Variants in ZNF862 observed in about 807,000 individuals in gnomAD.
ZNF862 encodes zinc finger protein 862.
ZNF862 carries 64 observed loss-of-function variants against 91.1 expected under a neutral mutation model. That is an observed-to-expected ratio of 0.70 (90% CI 0.57 to 0.87). ZNF862 has a LOEUF of 0.87. Among genes scored for constraint, ZNF862 ranks in the 40% least tolerant of loss-of-function variants. The pLI is 0.00. For synonymous variants in ZNF862, 631 were observed against 618.1 expected (o/e 1.02, Z -0.31); for missense variants, 1,459 against 1,528.0 (o/e 0.95, Z 0.75).
intron 1 of ZNF862, chr7:149,840,868 T>C (rs1250298102): frequency 1.1e-6 from 1 of 872,910 alleles, no homozygotes; most frequent in African/African-American, 1.8e-5. Flanking sequence ...CAGAACTGCC[T>C]AAGGACACAT....
chr7:149,851,220 G>A (rs566798715), intron 5 of ZNF862, among the ~76,000 whole-genome samples: 2 of 152,204 alleles, frequency 1.3e-5, no homozygotes, highest in African/African-American at 4.8e-5. Context: ...GAGTAGAGAC[G>A]GGGTTTCACC....
At position 149,860,719 on chromosome 7, in the gene ZNF862, A is replaced by T. The variant is rs1017426549; in HGVS notation, c.1559A>T (p.Glu520Val). Residue 520 changes from glutamate (E) to valine (V), a missense_variant, in exon 7 of 8, where the codon GAA becomes GTA. Transcript: ENST00000223210. The stretch of plus-strand genomic sequence containing the variant: ...AAAGTGGAGACTTTAAAATACCATG[A>T]AGTCAGCAAAGCGCACAGGCTCTGT... The part of the protein sequence containing the change: ...PFKVETLKYH[E>V]VSKAHRLCVN... The T allele has an allele frequency of 6.2e-7, 1 of 1,613,930 alleles. No homozygotes were observed. Among genetic ancestry groups the T allele is most frequent in the Non-Finnish European group, 8.5e-7 (1 of 1,179,902 alleles).
chr7:149,844,631 G>C lies in ZNF862; in HGVS notation c.31G>C (p.Val11Leu). Residue 11 changes from valine (V) to leucine (L), a missense_variant, in exon 2 of 8, where the codon GTG becomes CTG. By Grantham distance (32) the Val-to-Leu change is conservative. Transcript: ENST00000223210. MEPRESGKAPVTFDDITVYLL... is the reference protein window; with the variant it reads MEPRESGKAPLTFDDITVYLL... ...GCTGTCATTTTCCTTTCAGGCTCCT[G>C]TGACGTTTGATGACATCACTGTGTA... The C allele has an allele frequency of 1.9e-6, 3 of 1,596,728 alleles. No homozygotes were observed. Among genetic ancestry groups the C allele is most frequent in the Non-Finnish European group, 2.6e-6 (3 of 1,170,844 alleles).
At chr7:149,853,171 C>G (rs1421104891) in intron 5 of ZNF862, among the ~76,000 whole-genome samples, 7 of 152,150 alleles carry the variant, frequency 4.6e-5, no homozygotes, top group African/African-American at 1.4e-4. Flanking sequence ...GATCCTCCTG[C>G]CTCCATCTCC....
rs769029952 is a variant in ZNF862 at position 149,860,455 on chromosome 7, G to C, written c.1295G>C (p.Gly432Ala). Reference protein sequence around the residue: ...ASAADSALLPGSPVEARASCC... With the variant: ...ASAADSALLPASPVEARASCC... Reference sequence around the variant, plus strand: ...GCTGCAGACTCCGCGTTGCTTCCAGGCTCTCCCGTGGAGGCCCGTGCCTCC... The same window carrying C: ...GCTGCAGACTCCGCGTTGCTTCCAGCCTCTCCCGTGGAGGCCCGTGCCTCC... Residue 432 changes from glycine (G) to alanine (A), a missense_variant, in exon 7 of 8, where the codon GGC becomes GCC. Gly to Ala is a moderately conservative substitution (Grantham distance 60, BLOSUM62 0). Coordinates refer to ENST00000223210, the MANE Select transcript of ZNF862 (RefSeq NM_001099220.3). The C allele has an allele frequency of 5.0e-6, 8 of 1,613,954 alleles. No homozygotes were observed. Among genetic ancestry groups the C allele is most frequent in the Admixed American group, 1.7e-5 (1 of 60,014 alleles).
Position 149,861,558 on chromosome 7 carries a change from C to G in ZNF862, c.2398C>G (p.Leu800Val). The G allele has an allele frequency of 6.3e-7, 1 of 1,597,568 alleles. No individual in the cohort carries two copies. The highest frequency in any genetic ancestry group is 1.1e-5 in the South Asian group (1 of 89,440). The change falls in exon 7 of 8, where the codon CTG (leucine) becomes GTG (valine). Residue 800 changes from leucine to valine, a missense_variant. Transcript: ENST00000223210. The surrounding 1 kb of genome is among the most constrained non-coding windows in gnomAD (Gnocchi z 6.7). ...VASRRRTLHA[L>V]LVSWPALARH... ...CAGCAGGAGGCGCACGCTGCACGCG[C>G]TGCTCGTGAGCTGGCCCGCCCTGGC...
rs1385693981 is a variant in ZNF862, at chr7:149,867,037, C to T, written c.*2753C>T. 1 of 152,240 alleles carries T rather than the reference C, an allele frequency of 6.6e-6. No individual in the cohort carries two copies. Among genetic ancestry groups the T allele is most frequent in the Non-Finnish European group, 1.5e-5 (1 of 68,068 alleles). 9.4% of individuals were successfully genotyped at this position (152,240 alleles called of 1,614,324 possible). A position where few individuals can be genotyped will look rare whatever the true frequency, so the allele number is the denominator to read the frequency against. On this transcript the variant is annotated 3_prime_UTR_variant, in exon 8 of 8. Coordinates refer to ENST00000223210, the MANE Select transcript of ZNF862 (RefSeq NM_001099220.3). The stretch of plus-strand genomic sequence containing the variant: ...TCCCAGCGCTTGTCGCCACCCTCCT[C>T]CTTGCCTGTAGTCTTGACAGCATCC...
Position 149,860,426 on chromosome 7 carries a change from C to T in ZNF862, c.1266C>T (p.Ala422=). Residue 422 remains alanine (A), a synonymous_variant, in exon 7 of 8, where the codon GCC becomes GCT. Transcript: ENST00000223210. ...MVAVREADTQ[A]SAADSALLPG... ...CAGTGAGAGAGGCAGACACACAGGC[C>T]TCGGCTGCAGACTCCGCGTTGCTTC... is the stretch of plus-strand genomic sequence containing the variant. 6.2e-7 allele frequency: 1 copy of T among 1,613,596 alleles called. No homozygotes were observed. The highest frequency in any genetic ancestry group is 8.5e-7 in the Non-Finnish European group (1 of 1,179,758).
intron 2 of ZNF862, chr7:149,844,972 G>A (rs1801821798): frequency 4.2e-6 from 2 of 479,296 alleles, no homozygotes; most frequent in Non-Finnish European, 7.6e-6. Context: ...GCAGGCCTGG[G>A]CTAGACTCCT....
intron 2 of ZNF862, 174 bp downstream of exon 2, chr7:149,844,910 A>C: frequency 1.8e-6 from 1 of 565,150 alleles, no homozygotes; most frequent in African/African-American, 1.9e-5. Context: ...AAATTCACAC[A>C]TCACCCTTTC....
intron 5 of ZNF862, among the ~76,000 whole-genome samples, chr7:149,857,822 G>C (rs963753513): frequency 6.6e-6 from 1 of 152,180 alleles, no homozygotes; most frequent in African/African-American, 2.4e-5. Flanking sequence ...CCCGTCTCCT[G>C]TTTGGAGGGT....
At chr7:149,840,951 G>T in intron 1 of ZNF862, 1 of 985,398 alleles carries the variant, frequency 1.0e-6, no homozygotes. Context: ...GGAGAAACCT[G>T]ATTCCGTGTC....
intron 5 of ZNF862, among the ~76,000 whole-genome samples, chr7:149,852,372 T>TGTGTGTGTGA (rs397724269): frequency 2.8e-5 from 4 of 143,760 alleles, no homozygotes; most frequent in African/African-American, 1.0e-4. Flanking sequence ...TGTGTGTGTG[T>TGTGTGTGTGA]GAGAGAGAGA....
rs757652302 is a variant in ZNF862, at chr7:149,847,932, T to C, written c.439T>C (p.Phe147Leu). The change falls in exon 4 of 8, where the codon TTT (phenylalanine) becomes CTT (leucine). Residue 147 changes from phenylalanine to leucine, a missense_variant. Physicochemically the swap from Phe to Leu is conservative, Grantham distance 22. Coordinates refer to ENST00000223210, the MANE Select transcript of ZNF862 (RefSeq NM_001099220.3). ...RSIQKSWFVQ[F>L]PWLIMNEEQT... ...CATCCAGAAGTCGTGGTTTGTGCAG[T>C]TTCCGTGGCTGATCATGAATGAGGA... is the stretch of plus-strand genomic sequence containing the variant. 4 of 1,606,620 alleles carry C rather than the reference T, an allele frequency of 2.5e-6. No individual in the cohort carries two copies. Among genetic ancestry groups the C allele is most frequent in the Non-Finnish European group, 3.4e-6 (4 of 1,176,302 alleles).
At position 149,861,438 on chromosome 7, in the gene ZNF862, TCAAA is replaced by T; in HGVS notation, c.2282_2285del (p.Asn761ArgfsTer3). 1.9e-6 allele frequency: 3 copies of T among 1,613,450 alleles called. No individual in the cohort carries two copies. The highest frequency in any genetic ancestry group is 2.5e-6 in the Non-Finnish European group (3 of 1,179,888). On this transcript the variant is annotated frameshift_variant, in exon 7 of 8. Coordinates refer to ENST00000223210, the MANE Select transcript of ZNF862 (RefSeq NM_001099220.3). LOFTEE classifies it high-confidence loss of function. This position sits in a 1 kb window ranked among gnomAD's most constrained non-coding sequence, Gnocchi z 6.7. ...CACCGTCTTCAAGTTTTATCAGTCC[TCAAA>T]CAAGAGGCTGAACGAGCTGCAGGAA...
rs780096302 is a variant in ZNF862, at chr7:149,862,096, C to T, written c.2936C>T (p.Ser979Phe). ...ILNLARYFECSLPTGYSEEAL... is the reference protein window; with the variant it reads ...ILNLARYFECFLPTGYSEEAL... ...AACCTGGCCAGGTATTTCGAGTGCT[C>T]CCTCCCAACAGGATACAGTGAGGAA... Residue 979 changes from serine (S) to phenylalanine (F), a missense_variant, in exon 7 of 8, where the codon TCC (serine) becomes TTC (phenylalanine). Coordinates refer to ENST00000223210, the MANE Select transcript of ZNF862 (RefSeq NM_001099220.3). 6.2e-7 allele frequency: 1 copy of T among 1,613,630 alleles called. No homozygotes were observed. Among genetic ancestry groups the T allele is most frequent in the Non-Finnish European group, 8.5e-7 (1 of 1,179,888 alleles).
Position 149,862,003 on chromosome 7 carries a change from A to C in ZNF862, c.2843A>C (p.Glu948Ala). The C allele has an allele frequency of 6.2e-7, 1 of 1,613,796 alleles. No individual in the cohort carries two copies. The highest frequency in any genetic ancestry group is 2.2e-5 in the East Asian group (1 of 44,848). Residue 948 changes from glutamate to alanine, a missense_variant, in exon 7 of 8, where the codon GAG becomes GCG. Transcript: ENST00000223210. ...ADRPPQLKNM[E>A]VFDTMAWPSG... is the part of the protein sequence containing the mutation. ...CGACCCCCACAGCTGAAGAACATGG[A>C]GGTGTTTGACACCATGGCCTGGCCA...
chr7:149,839,957 A>C (rs1287118094), intron 1 of ZNF862, among the ~76,000 whole-genome samples: 1 of 152,184 alleles, frequency 6.6e-6, no homozygotes, highest in African/African-American at 2.4e-5. Context: ...TTGATTTCCA[A>C]GCTATTCTGT....
chr7:149,844,863 C>A, intron 2 of ZNF862, 127 bp downstream of exon 2: 1 of 654,440 alleles, frequency 1.5e-6, no homozygotes, highest in Non-Finnish European at 2.7e-6. Flanking sequence ...TTTACTCCAC[C>A]TGTCTGCTCG....
Sources: allele counts gnomAD v4.1 joint callset (sites outside exome capture counted in the v4.1 genomes callset), GRCh38; gene constraint gnomAD v4.1.1; non-coding constraint Gnocchi (gnomAD v3.1); transcripts MANE v1.5; gene names NCBI Gene and HGNC (gene_info 2026-07-23, HGNC 2026-07-21).